Variants in TSHZ2 observed in about 807,000 individuals in gnomAD.
TSHZ2 encodes the protein teashirt homolog 2.
In TSHZ2, 21 loss-of-function variants were observed where a neutral mutation model predicts 74.4. That is an observed-to-expected ratio of 0.28 (90% CI 0.20 to 0.41). The LOEUF (loss-of-function observed/expected upper bound fraction) is 0.41, where lower values mean the gene tolerates loss of function less well. Ranked by LOEUF, TSHZ2 falls within the 10% of genes least tolerant of loss-of-function variation. TSHZ2 has a pLI of 1.00. For synonymous variants in TSHZ2, 540 were observed against 515.3 expected (o/e 1.05, Z -0.65); for missense variants, 1,244 against 1,293.5 (o/e 0.96, Z 0.59).
At chr20:52,987,349 T>TCTGG (rs1230548334) in intron 1 of TSHZ2, among the ~76,000 whole-genome samples, 1 of 152,204 alleles carries the variant, frequency 6.6e-6, no homozygotes, top group Non-Finnish European at 1.5e-5. Context: ...GGCCCATGAA[T>TCTGG]CTGGGAATCT....
At chr20:53,410,247 C>T (rs1983005668) in intron 2 of TSHZ2, among the ~76,000 whole-genome samples, 1 of 152,160 alleles carries the variant, frequency 6.6e-6, no homozygotes, top group South Asian at 2.1e-4. Context: ...CCCTGACTTA[C>T]CACTTACATA....
At chr20:53,466,419 T>C (rs1038753133) in intron 2 of TSHZ2, among the ~76,000 whole-genome samples, 1 of 152,172 alleles carries the variant, frequency 6.6e-6, no homozygotes, top group African/African-American at 2.4e-5. Context: ...CTCGTTGGGC[T>C]GTAAGTTAGC....
At chr20:53,046,394 C>T (rs1308449188) in intron 1 of TSHZ2, among the ~76,000 whole-genome samples, 1 of 152,176 alleles carries the variant, frequency 6.6e-6, no homozygotes, top group Non-Finnish European at 1.5e-5. Flanking sequence ...AAAGGACCCC[C>T]AGCCCATGCT....
intron 1 of TSHZ2, among the ~76,000 whole-genome samples, chr20:53,175,928 A>T (rs1011610617): frequency 6.6e-6 from 1 of 152,216 alleles, no homozygotes; most frequent in African/African-American, 2.4e-5. Flanking sequence ...TCTCATGGAG[A>T]TTATTTGCTA....
intron 1 of TSHZ2, among the ~76,000 whole-genome samples, chr20:53,000,155 G>A (rs1384359979): frequency 1.3e-5 from 2 of 152,228 alleles, no homozygotes; most frequent in Non-Finnish European, 2.9e-5. Context: ...TTGACAAACT[G>A]TGACCTGTGA....
At chr20:52,993,094 A>C (rs924467424) in intron 1 of TSHZ2, among the ~76,000 whole-genome samples, 2 of 152,222 alleles carry the variant, frequency 1.3e-5, no homozygotes, top group Admixed American at 6.5e-5. Context: ...CAATAGAAGG[A>C]CTTTGAAATT....
intron 1 of TSHZ2, among the ~76,000 whole-genome samples, chr20:53,036,243 T>C (rs1304094186): frequency 6.6e-6 from 1 of 152,214 alleles, no homozygotes; most frequent in Non-Finnish European, 1.5e-5. Flanking sequence ...TCTATTCTCT[T>C]ACCTTGCTTT....
At chr20:53,419,292 C>A (rs988228801) in intron 2 of TSHZ2, among the ~76,000 whole-genome samples, 1 of 152,134 alleles carries the variant, frequency 6.6e-6, no homozygotes, top group Non-Finnish European at 1.5e-5. Flanking sequence ...AACAGCCAGA[C>A]GTTGGGGAAG....
intron 1 of TSHZ2, among the ~76,000 whole-genome samples, chr20:53,138,122 C>T (rs1460401401): frequency 2.0e-5 from 3 of 152,160 alleles, no homozygotes; most frequent in Non-Finnish European, 2.9e-5. Flanking sequence ...GTGGCTCATG[C>T]CTGTAATCCC....
At chr20:53,483,517 C>T (rs945928708) in intron 2 of TSHZ2, among the ~76,000 whole-genome samples, 1 of 151,994 alleles carries the variant, frequency 6.6e-6, no homozygotes, top group African/African-American at 2.4e-5. Context: ...TCCCCCACCT[C>T]CCCCATCCCC....
At chr20:53,435,717 A>G (rs1984030612) in intron 2 of TSHZ2, among the ~76,000 whole-genome samples, 1 of 152,098 alleles carries the variant, frequency 6.6e-6, no homozygotes, top group African/African-American at 2.4e-5. Context: ...GATTCACCAT[A>G]TTGGTCAGGC....
At chr20:53,119,619 A>G (rs911814035) in intron 1 of TSHZ2, among the ~76,000 whole-genome samples, 17 of 152,374 alleles carry the variant, frequency 1.1e-4, no homozygotes, top group African/African-American at 3.6e-4. Context: ...TAATATGCAA[A>G]AAAAGAATGT....
At chr20:53,387,395 C>T (rs1236980382) in intron 2 of TSHZ2, among the ~76,000 whole-genome samples, 1 of 152,194 alleles carries the variant, frequency 6.6e-6, no homozygotes, top group Non-Finnish European at 1.5e-5. Flanking sequence ...TGGGGATATT[C>T]TTTGAAGATG....
At chr20:53,459,883 G>GC (rs1468575735) in intron 2 of TSHZ2, among the ~76,000 whole-genome samples, 2 of 151,978 alleles carry the variant, frequency 1.3e-5, no homozygotes, top group African/African-American at 2.4e-5. Flanking sequence ...TTGAATATTG[G>GC]CCCCCACTCT....
intron 2 of TSHZ2, among the ~76,000 whole-genome samples, chr20:53,311,195 T>C (rs1268290095): frequency 6.6e-6 from 1 of 152,260 alleles, no homozygotes; most frequent in African/African-American, 2.4e-5. Context: ...AAAATTACCA[T>C]TAAAAATCTT....
intron 2 of TSHZ2, among the ~76,000 whole-genome samples, chr20:53,264,752 C>T (rs921421289): frequency 6.6e-6 from 1 of 152,210 alleles, no homozygotes; most frequent in African/African-American, 2.4e-5. Flanking sequence ...TTATACAAAG[C>T]TTCTCCCTTT....
intron 1 of TSHZ2, among the ~76,000 whole-genome samples, chr20:53,161,036 G>GT (rs34668400): frequency 0.015 from 2,164 of 148,348 alleles, 50 homozygotes; most frequent in African/African-American, 0.05. Context: ...AATGTTTGGG[G>GT]TTTTTTGTTT....
intron 1 of TSHZ2, among the ~76,000 whole-genome samples, chr20:53,151,089 G>C (rs930926930): frequency 6.6e-6 from 1 of 152,090 alleles, no homozygotes; most frequent in Non-Finnish European, 1.5e-5. Flanking sequence ...ATCATATCAC[G>C]CTCTCTTGAC....
chr20:53,276,195 C>A (rs1430326684), intron 2 of TSHZ2, among the ~76,000 whole-genome samples: 1 of 151,834 alleles, frequency 6.6e-6, no homozygotes, highest in Non-Finnish European at 1.5e-5. Context: ...ATTACCTGGA[C>A]CAGCTCCAGG....
Sources: gnomAD v4.1 joint callset for allele counts (sites outside exome capture counted in the v4.1 genomes callset) on GRCh38, gnomAD v4.1.1 for gene constraint, MANE v1.5 for transcripts, NCBI Gene and HGNC (gene_info 2026-07-23, HGNC 2026-07-21) for gene names.